The following FRMD4A variants were observed in gnomAD, a reference collection of about 807,000 sequenced individuals.
The protein encoded by FRMD4A is FERM domain containing 4A, also known as FERM domain-containing protein 4A.
Under a neutral mutation model 129.1 loss-of-function variants are expected in FRMD4A, and 29 were observed. The observed-to-expected ratio is 0.22, with a 90% confidence interval of 0.17 to 0.31. FRMD4A has a LOEUF of 0.31. Among genes scored for constraint, FRMD4A ranks in the 10% least tolerant of loss-of-function variants. The pLI is 1.00. For missense variants in FRMD4A, 1,272 were observed against 1,375.8 expected (o/e 0.92, Z 1.19); for synonymous variants, 634 against 571.6 (o/e 1.11, Z -1.56).
At chr10:13,886,479 T>C (rs1881590) in intron 2 of FRMD4A, among the ~76,000 whole-genome samples, 151,120 of 152,358 alleles carry the variant, frequency 0.99, 74,957 homozygotes, top group Middle Eastern at 1. Flanking sequence ...AGAGGGGCCA[T>C]ACCACAGCAC....
At chr10:13,965,370 T>G (rs2095479213) in intron 2 of FRMD4A, among the ~76,000 whole-genome samples, 1 of 152,228 alleles carries the variant, frequency 6.6e-6, no homozygotes, top group Non-Finnish European at 1.5e-5. Context: ...GAAACCCATC[T>G]GTGGAGGAAT....
chr10:13,762,627 T>G lies in FRMD4A; in HGVS notation c.438A>C (p.Leu146Phe), dbSNP rs1285727494. 1 of 1,585,142 alleles carries G rather than the reference T, an allele frequency of 6.3e-7. No homozygotes were observed. Among genetic ancestry groups the G allele is most frequent in the Non-Finnish European group, 8.7e-7 (1 of 1,153,736 alleles). ...EVVFELASYI[L>F]QEAKGDFSSN... ...GAGGAGGAGAAAAACAACTTACCTG[T>G]AAAATATAGGAAGCTAATTCAAACA... is the stretch of plus-strand genomic sequence containing the variant. The change falls in exon 7 of 25, where the codon TTA becomes TTC. Residue 146 changes from leucine (L) to phenylalanine (F), a missense_variant. This residue lies in a region of FRMD4A where 300 missense variants were observed against 483.6 expected (regional missense o/e 0.62). Transcript: ENST00000357447.
chr10:14,114,003 G>C (rs1489734005), intron 2 of FRMD4A, among the ~76,000 whole-genome samples: 1 of 152,170 alleles, frequency 6.6e-6, no homozygotes, highest in Non-Finnish European at 1.5e-5. Flanking sequence ...ACTCCAGCAG[G>C]GCATAGCCTT....
chr10:14,033,721 G>T (rs1470623338), intron 2 of FRMD4A, among the ~76,000 whole-genome samples: 1 of 151,568 alleles, frequency 6.6e-6, no homozygotes, highest in Non-Finnish European at 1.5e-5. Context: ...GGAGGTGGAG[G>T]TTGCAGTGAG....
At chr10:14,236,501 T>C (rs111358883) in intron 2 of FRMD4A, among the ~76,000 whole-genome samples, 1,708 of 152,314 alleles carry the variant, frequency 0.011, 40 homozygotes, top group African/African-American at 0.039. Flanking sequence ...TACCACTGGA[T>C]GCTTGCTGCT....
chr10:13,719,445 G>A (rs946965689), intron 12 of FRMD4A, among the ~76,000 whole-genome samples: 2 of 151,940 alleles, frequency 1.3e-5, no homozygotes, highest in African/African-American at 2.4e-5. Flanking sequence ...GCTTGAGGTG[G>A]TCAAGAATGA....
At chr10:14,061,608 T>C (rs7099622) in intron 2 of FRMD4A, among the ~76,000 whole-genome samples, 50,799 of 152,030 alleles carry the variant, frequency 0.33, 8,688 homozygotes, top group East Asian at 0.59. Context: ...CTTTTCTATC[T>C]AATAGATCAC....
intron 3 of FRMD4A, among the ~76,000 whole-genome samples, chr10:13,841,057 G>T (rs190294130): frequency 6.6e-6 from 1 of 152,268 alleles, no homozygotes; most frequent in East Asian, 1.9e-4. Flanking sequence ...GCAGTGAGCC[G>T]TGATCATGCC....
chr10:13,819,118 A>G (rs2093591105), intron 3 of FRMD4A, among the ~76,000 whole-genome samples: 1 of 124,936 alleles, frequency 8.0e-6, no homozygotes, highest in South Asian at 3.0e-4. Context: ...ACAGAGTGAG[A>G]CTCTGTCTCA....
intron 2 of FRMD4A, among the ~76,000 whole-genome samples, chr10:14,163,304 T>C (rs1189709261): frequency 6.6e-6 from 1 of 152,268 alleles, no homozygotes; most frequent in South Asian, 2.1e-4. Context: ...GCTCTTTGTG[T>C]AAGGCATTTT....
intron 2 of FRMD4A, among the ~76,000 whole-genome samples, chr10:13,937,268 C>T (rs2095256495): frequency 6.6e-6 from 1 of 152,210 alleles, no homozygotes; most frequent in South Asian, 2.1e-4. Context: ...ATCTCACTCT[C>T]TGATTACAGT....
intron 3 of FRMD4A, among the ~76,000 whole-genome samples, chr10:13,832,249 T>C (rs972914612): frequency 3.3e-5 from 5 of 152,174 alleles, no homozygotes; most frequent in Admixed American, 2.6e-4. Context: ...CTGTCCTTTC[T>C]AGCTGCTTGA....
At chr10:13,952,224 G>A (rs752292186) in intron 2 of FRMD4A, among the ~76,000 whole-genome samples, 6 of 151,734 alleles carry the variant, frequency 4.0e-5, no homozygotes, top group Admixed American at 1.3e-4. Context: ...CTGCCTGGGC[G>A]TGGTGGCTCA....
chr10:13,982,784 A>G (rs888949725), intron 2 of FRMD4A, among the ~76,000 whole-genome samples: 2 of 152,294 alleles, frequency 1.3e-5, no homozygotes, highest in South Asian at 4.2e-4. Context: ...GTGTCGCATA[A>G]AAGTATGATC....
chr10:13,780,355 C>T (rs532167960), intron 6 of FRMD4A, among the ~76,000 whole-genome samples: 5 of 151,858 alleles, frequency 3.3e-5, no homozygotes, highest in African/African-American at 9.7e-5. Context: ...CTTTTAGTCG[C>T]AGTTCCTAAC....
At chr10:14,035,397 G>T (rs957584636) in intron 2 of FRMD4A, among the ~76,000 whole-genome samples, 1 of 141,840 alleles carries the variant, frequency 7.1e-6, no homozygotes, top group Non-Finnish European at 1.5e-5. Context: ...GGGCAACAAA[G>T]CAAGACTCCA....
chr10:13,765,127 T>G (rs2092239930), intron 6 of FRMD4A, among the ~76,000 whole-genome samples: 3 of 149,508 alleles, frequency 2.0e-5, no homozygotes, highest in Admixed American at 2.0e-4. Context: ...TTTTTTTTTT[T>G]TTTTGAGACG....
At chr10:13,950,833 C>A (rs936592955) in intron 2 of FRMD4A, among the ~76,000 whole-genome samples, 1 of 152,184 alleles carries the variant, frequency 6.6e-6, no homozygotes, top group African/African-American at 2.4e-5. Flanking sequence ...TCCCCGATGA[C>A]CTTATCCTGC....
At chr10:13,877,707 G>A (rs1323320511) in intron 2 of FRMD4A, among the ~76,000 whole-genome samples, 2 of 152,328 alleles carry the variant, frequency 1.3e-5, no homozygotes, top group South Asian at 4.1e-4. Flanking sequence ...CTGGAATGTC[G>A]CTGGCAGGGA....
Sources: gnomAD v4.1 joint callset for allele counts (sites outside exome capture counted in the v4.1 genomes callset) on GRCh38, gnomAD v4.1.1 for gene constraint, gnomAD v4.1.1 regional missense constraint, MANE v1.5 for transcripts, NCBI Gene and HGNC (gene_info 2026-07-23, HGNC 2026-07-21) for gene names.